Variants in XKR4 observed in about 807,000 individuals in gnomAD.
XKR4 encodes the protein XK related 4, also known as XK-related protein 4.
In XKR4, 12 loss-of-function variants were observed where a neutral mutation model predicts 53.9. The observed-to-expected ratio is 0.22, with a 90% CI of 0.14 to 0.36. XKR4 has a LOEUF of 0.36. Ranked by LOEUF, XKR4 falls within the 10% of genes least tolerant of loss-of-function variation. The probability of loss-of-function intolerance (pLI) is 1.00; values close to 1 mark genes in which losing one functional copy is unlikely to be tolerated. For synonymous variants in XKR4, 354 were observed against 362.4 expected (o/e 0.98, Z 0.26); for missense variants, 799 against 859.5 (o/e 0.93, Z 0.88).
At chr8:55,450,293 G>T in intron 2 of XKR4, 1 of 704,588 alleles carries the variant, frequency 1.4e-6, no homozygotes, top group South Asian at 1.7e-5. Flanking sequence ...CAGTCATAGG[G>T]AGGGCCCTCG....
At chr8:55,120,437 A>C (rs961855276) in intron 1 of XKR4, among the ~76,000 whole-genome samples, 1 of 151,940 alleles carries the variant, frequency 6.6e-6, no homozygotes, top group Admixed American at 6.6e-5. Flanking sequence ...AGGAAATTCA[A>C]ATTATTAGGA....
chr8:55,117,777 A>G (rs1050291442), intron 1 of XKR4, among the ~76,000 whole-genome samples: 4 of 152,186 alleles, frequency 2.6e-5, no homozygotes, highest in African/African-American at 9.7e-5. Context: ...ACTCACCTGG[A>G]GAAGCATTTC....
intron 1 of XKR4, among the ~76,000 whole-genome samples, chr8:55,340,883 G>A (rs986522862): frequency 1.3e-5 from 2 of 152,162 alleles, no homozygotes; most frequent in African/African-American, 4.8e-5. Context: ...CAGCCTGCAT[G>A]GGTCACACAT....
intron 2 of XKR4, chr8:55,453,783 T>A (rs1260955256): frequency 4.8e-6 from 2 of 412,454 alleles, no homozygotes; most frequent in Non-Finnish European, 9.3e-6. Context: ...AGTTCTTGGA[T>A]GTGATGCAGG....
At chr8:55,133,764 A>G (rs1242289591) in intron 1 of XKR4, among the ~76,000 whole-genome samples, 1 of 152,254 alleles carries the variant, frequency 6.6e-6, no homozygotes, top group East Asian at 1.9e-4. Flanking sequence ...TCACCTCAGT[A>G]ACTGTCATCA....
At chr8:55,250,774 G>A (rs1420529341) in intron 1 of XKR4, among the ~76,000 whole-genome samples, 2 of 152,208 alleles carry the variant, frequency 1.3e-5, no homozygotes, top group Non-Finnish European at 2.9e-5. Context: ...AATTAAAATA[G>A]AAGTGAAGAC....
chr8:55,292,218 A>G (rs770608648), intron 1 of XKR4, among the ~76,000 whole-genome samples: 1 of 152,124 alleles, frequency 6.6e-6, no homozygotes, highest in Non-Finnish European at 1.5e-5. Context: ...GTTCTCTTCT[A>G]TATTTTGGAA....
At chr8:55,489,821 T>C (rs1239926580) in intron 2 of XKR4, among the ~76,000 whole-genome samples, 2 of 152,104 alleles carry the variant, frequency 1.3e-5, no homozygotes, top group African/African-American at 4.8e-5. Context: ...AATTACACAT[T>C]AAATTGGTTA....
chr8:55,501,788 A>G (rs777889937), intron 2 of XKR4, among the ~76,000 whole-genome samples: 63 of 152,160 alleles, frequency 4.1e-4, no homozygotes, highest in Non-Finnish European at 2.1e-4. Flanking sequence ...TGTTATGAAC[A>G]TGGGTGAACA....
At chr8:55,129,324 A>C (rs180969108) in intron 1 of XKR4, among the ~76,000 whole-genome samples, 9 of 152,328 alleles carry the variant, frequency 5.9e-5, no homozygotes, top group Admixed American at 5.2e-4. Flanking sequence ...CCAATGAAAA[A>C]AATTCTCCTA....
chr8:55,482,584 A>T (rs2975952), intron 2 of XKR4, among the ~76,000 whole-genome samples: 116,369 of 151,908 alleles, frequency 0.77, 45,337 homozygotes, highest in African/African-American at 0.91. Context: ...AATAAACACA[A>T]CTGCAAACCT....
chr8:55,121,433 T>C (rs550109911), intron 1 of XKR4, among the ~76,000 whole-genome samples: 1 of 152,354 alleles, frequency 6.6e-6, no homozygotes, highest in East Asian at 1.9e-4. Flanking sequence ...AGAGTTAAGA[T>C]ACCGTGAACT....
At chr8:55,492,209 T>G (rs562629161) in intron 2 of XKR4, among the ~76,000 whole-genome samples, 10 of 152,212 alleles carry the variant, frequency 6.6e-5, no homozygotes, top group Non-Finnish European at 1.5e-4. Flanking sequence ...TGTTGTCTGT[T>G]ATATTTTTTC....
chr8:55,337,185 G>A (rs139780996), intron 1 of XKR4, among the ~76,000 whole-genome samples: 1 of 151,980 alleles, frequency 6.6e-6, no homozygotes, highest in Non-Finnish European at 1.5e-5. Context: ...CACTAAAAAG[G>A]GCCCTAGTGT....
chr8:55,398,564 G>A (rs1157548139), intron 2 of XKR4, among the ~76,000 whole-genome samples: 3 of 152,136 alleles, frequency 2.0e-5, no homozygotes, highest in African/African-American at 7.2e-5. Flanking sequence ...AGGAGGGCGT[G>A]TTCATCTTTG....
chr8:55,348,080 G>C (rs1408468718), intron 1 of XKR4, among the ~76,000 whole-genome samples: 1 of 152,160 alleles, frequency 6.6e-6, no homozygotes, highest in Non-Finnish European at 1.5e-5. Flanking sequence ...CAGTAGGATG[G>C]TGACATCTTC....
At chr8:55,501,285 T>A (rs2129403493) in intron 2 of XKR4, among the ~76,000 whole-genome samples, 1 of 152,338 alleles carries the variant, frequency 6.6e-6, no homozygotes, top group South Asian at 2.1e-4. Context: ...AAAATAAAAT[T>A]TATGGTTTGA....
At chr8:55,152,853 C>G (rs113573459) in intron 1 of XKR4, among the ~76,000 whole-genome samples, 5,232 of 152,272 alleles carry the variant, frequency 0.034, 131 homozygotes, top group Non-Finnish European at 0.055. Flanking sequence ...TGAGCCTAGG[C>G]AAGTTACTTC....
chr8:55,125,038 A>G (rs915743714), intron 1 of XKR4, among the ~76,000 whole-genome samples: 3 of 152,342 alleles, frequency 2.0e-5, no homozygotes, highest in East Asian at 3.9e-4. Context: ...TGCTAATTCT[A>G]TGAAGGTATT....
Sources: allele counts gnomAD v4.1 joint callset (sites outside exome capture counted in the v4.1 genomes callset), GRCh38; gene constraint gnomAD v4.1.1; transcripts MANE v1.5; gene names NCBI Gene and HGNC (gene_info 2026-07-23, HGNC 2026-07-21).